EML5: variants seen among roughly 807,000 people sequenced by gnomAD.
EML5 encodes echinoderm microtubule-associated protein-like 5.
Under a neutral mutation model 250.0 loss-of-function variants are expected in EML5, and 120 were observed. The observed-to-expected ratio is 0.48, with a 90% CI of 0.41 to 0.56. The LOEUF is 0.56. Among genes scored for constraint, EML5 ranks in the 20% least tolerant of loss-of-function variants. The pLI, the probability that EML5 is intolerant of heterozygous loss-of-function variation, is 0.00. For synonymous variants in EML5, 771 were observed against 806.5 expected (o/e 0.96, Z 0.75); for missense variants, 2,006 against 2,437.6 (o/e 0.82, Z 3.73).
At chr14:88,651,835 T>G (rs1252045184) in intron 27 of EML5, among the ~76,000 whole-genome samples, 3 of 152,192 alleles carry the variant, frequency 2.0e-5, no homozygotes, top group Non-Finnish European at 4.4e-5. Flanking sequence ...CTCAGTTAAC[T>G]TTCATTTCAT....
At chr14:88,715,315 C>T in intron 8 of EML5, 120 bp from the exon 9 acceptor site, 1 of 970,662 alleles carries the variant, frequency 1.0e-6, no homozygotes, top group Non-Finnish European at 1.5e-6. Flanking sequence ...ATAAAGTAAA[C>T]ATAAATAACA....
chr14:88,789,188 C>T (rs1462378387), intron 1 of EML5, among the ~76,000 whole-genome samples: 1 of 151,776 alleles, frequency 6.6e-6, no homozygotes, highest in Non-Finnish European at 1.5e-5. Flanking sequence ...ATAACTTAGT[C>T]TTAAATCTAG....
chr14:88,756,177 T>A (rs2094156222), intron 1 of EML5, among the ~76,000 whole-genome samples: 1 of 152,028 alleles, frequency 6.6e-6, no homozygotes, highest in African/African-American at 2.4e-5. Flanking sequence ...GGAGAGAAGA[T>A]GAGTGGGAAT....
rs994398603 is a variant in EML5, at chr14:88,661,612, C to T, written c.3675+42G>A. ...TGACAGGACATTACCTTAACCATTT[C>T]ATAATTGATGATCATTAGGAAAGTT... On this transcript the variant is annotated intron_variant, in intron 25 of 43. Coordinates refer to ENST00000554922, the MANE Select transcript of EML5 (RefSeq NM_183387.3). 2.6e-6 allele frequency: 4 copies of T among 1,558,920 alleles called. No individual in the cohort carries two copies. The African/African-American group carries it at 4.1e-5, about 16-fold the overall frequency.
Position 88,642,895 on chromosome 14 carries a change from G to A in EML5, c.4235C>T (p.Thr1412Ile). ...GATGGAGAATCAGGGTTTCCTACCT[G>A]TAGCAACATTGTGCAGAATTCCAAC... ...ASVGILHNVA[T>I]GSQSFYQEHN... Residue 1412 changes from threonine (T) to isoleucine (I), a missense_variant and splice_region_variant, in exon 31 of 44, where the codon ACA (threonine) becomes ATA (isoleucine). Transcript: ENST00000554922. The A allele has an allele frequency of 6.2e-7, 1 of 1,600,436 alleles. No homozygotes were observed. Among genetic ancestry groups the A allele is most frequent in the Non-Finnish European group, 8.5e-7 (1 of 1,175,776 alleles).
At chr14:88,744,219 T>C in intron 3 of EML5, 128 bp from the exon 4 acceptor site, 5 of 469,452 alleles carry the variant, frequency 1.1e-5, no homozygotes, top group Non-Finnish European at 1.8e-5. Flanking sequence ...ATAATCAACA[T>C]CCCACACTTC....
At chr14:88,731,125 T>A (rs1236827279) in intron 7 of EML5, among the ~76,000 whole-genome samples, 1 of 152,174 alleles carries the variant, frequency 6.6e-6, no homozygotes, top group Non-Finnish European at 1.5e-5. Context: ...AATGTGCAGG[T>A]TTGTCACATA....
At chr14:88,636,034 T>G (rs1268448329) in intron 32 of EML5, among the ~76,000 whole-genome samples, 3 of 152,176 alleles carry the variant, frequency 2.0e-5, no homozygotes, top group Admixed American at 2.0e-4. Flanking sequence ...CTCTGTGGTA[T>G]CTGTCATGGC....
At chr14:88,720,445 C>T (rs948713316) in intron 8 of EML5, among the ~76,000 whole-genome samples, 1 of 152,126 alleles carries the variant, frequency 6.6e-6, no homozygotes, top group African/African-American at 2.4e-5. Context: ...ATCAAGGAGG[C>T]TTCATCCCCG....
At chr14:88,635,585 T>G (rs575032801) in intron 32 of EML5, among the ~76,000 whole-genome samples, 25 of 152,334 alleles carry the variant, frequency 1.6e-4, no homozygotes, top group African/African-American at 5.5e-4. Flanking sequence ...TCTAGCCTCT[T>G]ACCTTGATGA....
intron 7 of EML5, among the ~76,000 whole-genome samples, chr14:88,729,799 G>C (rs1346340773): frequency 6.6e-6 from 1 of 151,706 alleles, no homozygotes; most frequent in Non-Finnish European, 1.5e-5. Flanking sequence ...GGCCTCATGT[G>C]ATCCACCTGC....
At chr14:88,670,399 C>T (rs1344008293) in intron 21 of EML5, among the ~76,000 whole-genome samples, 1 of 150,864 alleles carries the variant, frequency 6.6e-6, no homozygotes, top group African/African-American at 2.4e-5. Context: ...CCTGCAAAAA[C>T]CCCATCCAAA....
At position 88,688,391 on chromosome 14, in the gene EML5, A is replaced by T; in HGVS notation, c.2622T>A (p.Thr874=). Residue 874 remains threonine, a synonymous_variant, in exon 18 of 44, where the codon ACT becomes ACA. Transcript: ENST00000554922. ...DTMMCAVYGW[T]EEMAFSGTST... ...ATGTTCCAGAAAAAGCCATCTCTTC[A>T]GTCCATCCATACACTGCACACATCA... 6.2e-7 allele frequency: 1 copy of T among 1,614,022 alleles called. No homozygotes were observed. Among genetic ancestry groups the T allele is most frequent in the Non-Finnish European group, 8.5e-7 (1 of 1,179,892 alleles).
chr14:88,760,818 ATTCT>A (rs1270501411), intron 1 of EML5, among the ~76,000 whole-genome samples: 25 of 152,216 alleles, frequency 1.6e-4, no homozygotes, highest in Admixed American at 1.6e-3. Context: ...TTTTTCAGGT[ATTCT>A]TTGTTTTCTG....
chr14:88,758,187 T>C (rs2094189480), intron 1 of EML5, among the ~76,000 whole-genome samples: 1 of 151,234 alleles, frequency 6.6e-6, no homozygotes, highest in Admixed American at 6.6e-5. Context: ...TATATACATA[T>C]ATATGTGTAT....
At chr14:88,785,228 TG>T (rs1166123832) in intron 1 of EML5, among the ~76,000 whole-genome samples, 1 of 152,102 alleles carries the variant, frequency 6.6e-6, no homozygotes, top group Non-Finnish European at 1.5e-5. Flanking sequence ...GGATGGTTAA[TG>T]GGTACAAAAA....
At chr14:88,699,807 A>G (rs147711258) in intron 14 of EML5, among the ~76,000 whole-genome samples, 18 of 152,306 alleles carry the variant, frequency 1.2e-4, no homozygotes, top group Non-Finnish European at 2.2e-4. Context: ...CCAAGTTAAT[A>G]CACTGCTATG....
chr14:88,661,945 T>C, intron 24 of EML5, 115 bp from the exon 25 acceptor site: 2 of 979,408 alleles, frequency 2.0e-6, no homozygotes, highest in Non-Finnish European at 1.5e-6. Flanking sequence ...ATGAAAGTTT[T>C]AATGAAAAAA....
At chr14:88,775,766 G>C (rs1490527107) in intron 1 of EML5, among the ~76,000 whole-genome samples, 1 of 152,090 alleles carries the variant, frequency 6.6e-6, no homozygotes, top group Non-Finnish European at 1.5e-5. Flanking sequence ...AGCAAACATA[G>C]GCAGTAACCA....
Sources: gnomAD v4.1 joint callset for allele counts (sites outside exome capture counted in the v4.1 genomes callset) on GRCh38, gnomAD v4.1.1 for gene constraint, MANE v1.5 for transcripts, NCBI Gene and HGNC (gene_info 2026-07-23, HGNC 2026-07-21) for gene names.